Variants in SLC15A2 observed in about 807,000 individuals in gnomAD.
SLC15A2 encodes the protein kidney H(+)/peptide cotransporter.
Under a neutral mutation model 95.5 loss-of-function variants are expected in SLC15A2, and 77 were observed. The ratio of observed to expected loss-of-function variants is 0.81; its 90% CI spans 0.67 to 0.97. The LOEUF (loss-of-function observed/expected upper bound fraction) is 0.97. Ranked by LOEUF, SLC15A2 falls within the 50% of genes least tolerant of loss-of-function variation. The pLI, the probability that SLC15A2 is intolerant of heterozygous loss-of-function variation, is 0.00. For synonymous variants in SLC15A2, 306 were observed against 306.9 expected, an observed-to-expected ratio of 1.00 and a Z score of 0.03; for missense variants, 893 against 874.4, an observed-to-expected ratio of 1.02 and a Z score of -0.27.
chr3:121,915,146 C>A, intron 5 of SLC15A2, 81 bp from the exon 6 acceptor site: 1 of 1,194,278 alleles, frequency 8.4e-7, no homozygotes, highest in South Asian at 1.4e-5. Flanking sequence ...TTTGTGTGTA[C>A]CTTCAGCTCT....
chr3:121,907,342 C>T (rs887864347), intron 3 of SLC15A2, among the ~76,000 whole-genome samples: 1 of 152,208 alleles, frequency 6.6e-6, no homozygotes, highest in Admixed American at 6.5e-5. Context: ...CCTTCTGAAG[C>T]CTACTTCTGT....
chr3:121,906,223 C>G (rs1236675302), intron 3 of SLC15A2, among the ~76,000 whole-genome samples: 1 of 152,142 alleles, frequency 6.6e-6, no homozygotes, highest in Non-Finnish European at 1.5e-5. Flanking sequence ...AGATCTTCCT[C>G]TATCCCTTTA....
Position 121,914,089 on chromosome 3 carries a change from T to C in SLC15A2, c.528+969T>C, listed in dbSNP as rs567430770. On this transcript the variant is annotated intron_variant, in intron 5 of 21. Coordinates refer to ENST00000489711, the MANE Select transcript of SLC15A2 (RefSeq NM_021082.4). ...CTTTCAGACCATTTGGGTTATTTTA[T>C]ACTCTTTATCTGTCAAAGAGTCCAT... is the stretch of plus-strand genomic sequence containing the variant. 3.9e-5 allele frequency among the ~76,000 whole-genome samples: 6 copies of C among 152,308 alleles called. No individual in the cohort carries two copies. The East Asian group carries it at 1.2e-3, about 29-fold the overall frequency.
chr3:121,935,498 T>C (rs1210549497), intron 19 of SLC15A2, among the ~76,000 whole-genome samples: 5 of 152,118 alleles, frequency 3.3e-5, no homozygotes, highest in Middle Eastern at 3.2e-3. Flanking sequence ...CTTGGGAGGG[T>C]GTATGTGTCC....
chr3:121,911,501 A>G, intron 3 of SLC15A2, 73 bp from the exon 4 acceptor site: 1 of 1,007,816 alleles, frequency 9.9e-7, no homozygotes, highest in South Asian at 1.3e-5. Flanking sequence ...TGAGAACAGT[A>G]TGAACCCTAA....
Position 121,940,899 on chromosome 3 carries a change from C to G in SLC15A2, c.2082C>G (p.Tyr694Ter), listed in dbSNP as rs760315124. 37 of 1,614,050 alleles carry G rather than the reference C, an allele frequency of 2.3e-5. No individual in the cohort carries two copies. Among genetic ancestry groups the G allele is most frequent in the Non-Finnish European group, 3.0e-5 (35 of 1,180,034 alleles). The change falls in exon 22 of 22, where the codon TAC becomes TAG. Residue 694 changes from tyrosine to a stop codon, truncating the protein, a stop_gained. Coordinates refer to ENST00000489711, the MANE Select transcript of SLC15A2 (RefSeq NM_021082.4). LOFTEE classifies it high-confidence loss of function. ...GCCTGATCTTCTCCATCATGGGCTA[C>G]TACTATGTTCCTGTAAAGACAGAGG... ...VICLIFSIMGYYYVPVKTEDM... is the reference protein window; with the variant it reads ...VICLIFSIMG
At chr3:121,903,082 A>G (rs1351398679) in intron 3 of SLC15A2, among the ~76,000 whole-genome samples, 1 of 152,000 alleles carries the variant, frequency 6.6e-6, no homozygotes, top group East Asian at 1.9e-4. Flanking sequence ...TGTGGTTTTG[A>G]TTTGCATTTC....
chr3:121,927,548 G>C (rs556672649), intron 13 of SLC15A2: 1 of 463,040 alleles, frequency 2.2e-6, no homozygotes, highest in South Asian at 4.1e-5. Context: ...TTCACCAGAA[G>C]CTGGAAGATG....
chr3:121,928,546 A>G lies in SLC15A2; in HGVS notation c.1332A>G (p.Lys444=). The G allele has an allele frequency of 6.2e-7, 1 of 1,614,058 alleles. No homozygotes were observed. Among genetic ancestry groups the G allele is most frequent in the African/African-American group, 1.3e-5 (1 of 75,052 alleles). The part of the protein sequence containing the change: ...ENNSLLIESI[K]SFQKTPHYSK... ...ATTCTCTGTTGATAGAGTCCATCAA[A>G]TCCTTTCAGGTGAGGTGTGTACCTG... The change falls in exon 15 of 22, where the codon AAA becomes AAG. Residue 444 remains lysine (K), a synonymous_variant. Coordinates refer to ENST00000489711, the MANE Select transcript of SLC15A2 (RefSeq NM_021082.4).
intron 3 of SLC15A2, among the ~76,000 whole-genome samples, chr3:121,903,019 T>C (rs539860269): frequency 1.3e-5 from 2 of 152,334 alleles, no homozygotes. Flanking sequence ...GCATCTGCTG[T>C]CTCCTGCCTT....
intron 3 of SLC15A2, among the ~76,000 whole-genome samples, chr3:121,906,918 T>C (rs1412452449): frequency 6.6e-6 from 1 of 152,200 alleles, no homozygotes; most frequent in Non-Finnish European, 1.5e-5. Flanking sequence ...TTGGGGAAGT[T>C]CTCCTGGATA....
At chr3:121,905,850 G>A (rs1709627527) in intron 3 of SLC15A2, among the ~76,000 whole-genome samples, 1 of 152,178 alleles carries the variant, frequency 6.6e-6, no homozygotes, top group African/African-American at 2.4e-5. Flanking sequence ...GAGTTCTGTA[G>A]ATGTTTATTA....
At chr3:121,931,555 A>G (rs1710232835) in intron 18 of SLC15A2, 84 bp from the exon 19 acceptor site, 1 of 795,270 alleles carries the variant, frequency 1.3e-6, no homozygotes, top group African/African-American at 1.7e-5. Context: ...CCATCAGTAG[A>G]GAGATGAGAT....
chr3:121,915,528 G>A (rs1709876080), intron 6 of SLC15A2, 88 bp from the exon 7 acceptor site: 7 of 1,051,908 alleles, frequency 6.7e-6, no homozygotes, highest in Non-Finnish European at 8.9e-6. Flanking sequence ...ACAAGCTCAG[G>A]TTTATTCAAC....
At chr3:121,927,303 T>C (rs1338425873) in intron 13 of SLC15A2, among the ~76,000 whole-genome samples, 1 of 152,210 alleles carries the variant, frequency 6.6e-6, no homozygotes, top group African/African-American at 2.4e-5. Context: ...TGAAATGTAA[T>C]TCCCAGTGAT....
chr3:121,904,642 C>A (rs1709594405), intron 3 of SLC15A2, among the ~76,000 whole-genome samples: 1 of 152,052 alleles, frequency 6.6e-6, no homozygotes, highest in Non-Finnish European at 1.5e-5. Flanking sequence ...TGTTTATATG[C>A]CGGATTACGT....
In SLC15A2 at chr3:121,913,008, C is replaced by T. The variant is rs1209903674; in HGVS notation, c.429-13C>T. On this transcript the variant is annotated splice_polypyrimidine_tract_variant and intron_variant, in intron 4 of 21. Transcript: ENST00000489711. ...GTATCAACATGGTTGGCATTCTCAC[C>T]TCTCCATTTCAGAGTCCTATCATTG... 1.3e-6 allele frequency: 2 copies of T among 1,599,002 alleles called. No homozygotes were observed. Among genetic ancestry groups the T allele is most frequent in the Non-Finnish European group, 1.7e-6 (2 of 1,167,046 alleles).
At chr3:121,904,779 T>C (rs1028944456) in intron 3 of SLC15A2, among the ~76,000 whole-genome samples, 4 of 152,234 alleles carry the variant, frequency 2.6e-5, no homozygotes, top group East Asian at 1.9e-4. Context: ...ATTTTCACAT[T>C]GGTGTTCACC....
intron 19 of SLC15A2, among the ~76,000 whole-genome samples, chr3:121,931,953 G>A (rs1021053902): frequency 1.3e-5 from 2 of 152,148 alleles, no homozygotes; most frequent in African/African-American, 4.8e-5. Context: ...AGGCTGGAGT[G>A]CTGTGGCACC....
Sources: gnomAD v4.1 joint callset for allele counts (sites outside exome capture counted in the v4.1 genomes callset) on GRCh38, gnomAD v4.1.1 for gene constraint, MANE v1.5 for transcripts, NCBI Gene and HGNC (gene_info 2026-07-23, HGNC 2026-07-21) for gene names.